The following SLC8A1 variants were observed in gnomAD, a reference collection of about 807,000 sequenced individuals.
The protein encoded by SLC8A1 is solute carrier family 8 member A1.
A neutral mutation model predicts 68.3 loss-of-function variants in SLC8A1; 18 were observed. The ratio of observed to expected loss-of-function variants is 0.26; its 90% CI spans 0.18 to 0.39. The LOEUF is 0.39. SLC8A1 is among the 10% of genes least tolerant of loss of function. SLC8A1 has a pLI of 1.00. For synonymous variants in SLC8A1, 475 were observed against 415.5 expected (o/e 1.14, Z -1.74); for missense variants, 985 against 1,156.7 (o/e 0.85, Z 2.15).
chr2:40,464,121 C>T (rs1235720935), intron 1 of SLC8A1, among the ~76,000 whole-genome samples: 1 of 152,064 alleles, frequency 6.6e-6, no homozygotes, highest in Non-Finnish European at 1.5e-5. Context: ...TCTTGAACTC[C>T]TGACTTCAGG....
intron 5 of SLC8A1, among the ~76,000 whole-genome samples, chr2:40,161,597 G>T (rs969672565): frequency 1.3e-5 from 2 of 152,086 alleles, no homozygotes; most frequent in East Asian, 1.9e-4. Context: ...ACCTTGTTTT[G>T]TACAATCAGT....
intron 2 of SLC8A1, among the ~76,000 whole-genome samples, chr2:40,184,898 C>CAAAAAAAAAAAAAAAAAAAAAGAAAAAA (rs2050386611): frequency 9.4e-6 from 1 of 106,528 alleles, no homozygotes; most frequent in African/African-American, 3.6e-5. Flanking sequence ...TAACCAAAAA[C>CAAAAAAAAAAAAAAAAAAAAAGAAAAAA]AAAAAAAAAA....
chr2:40,381,477 G>C (rs1389745399), intron 2 of SLC8A1, among the ~76,000 whole-genome samples: 1 of 151,824 alleles, frequency 6.6e-6, no homozygotes, highest in Admixed American at 6.6e-5. Context: ...CATATCTCCA[G>C]AACAGGTTTC....
chr2:40,440,812 A>AG (rs1300867600), intron 1 of SLC8A1, among the ~76,000 whole-genome samples: 29 of 152,344 alleles, frequency 1.9e-4, no homozygotes, highest in Admixed American at 6.5e-4. Flanking sequence ...GCAAGCCAAT[A>AG]GCCAATATCA....
chr2:40,444,298 C>G (rs1042792407), intron 1 of SLC8A1, among the ~76,000 whole-genome samples: 2 of 152,136 alleles, frequency 1.3e-5, no homozygotes, highest in African/African-American at 4.8e-5. Context: ...ATGATCATGC[C>G]ACTGCACCCC....
At chr2:40,263,001 G>C (rs946699153) in intron 2 of SLC8A1, among the ~76,000 whole-genome samples, 1 of 152,206 alleles carries the variant, frequency 6.6e-6, no homozygotes, top group Non-Finnish European at 1.5e-5. Flanking sequence ...AAATATTTTA[G>C]CATTGAAATA....
chr2:40,382,549 C>A (rs11691852), intron 2 of SLC8A1, among the ~76,000 whole-genome samples: 108,101 of 152,062 alleles, frequency 0.71, 39,971 homozygotes, highest in African/African-American at 0.92. Flanking sequence ...ATAAACACTC[C>A]GTAAAGACTA....
At chr2:40,503,167 C>A (rs932432261) in intron 1 of SLC8A1, among the ~76,000 whole-genome samples, 15 of 151,918 alleles carry the variant, frequency 9.9e-5, no homozygotes, top group Non-Finnish European at 2.2e-4. Flanking sequence ...AACAACAAAG[C>A]ACCTTTTGTA....
At chr2:40,149,939 C>T (rs2148365406) in intron 6 of SLC8A1, among the ~76,000 whole-genome samples, 1 of 151,006 alleles carries the variant, frequency 6.6e-6, no homozygotes, top group Non-Finnish European at 1.5e-5. Context: ...TCTACAACTC[C>T]AGAAGAAAAA....
chr2:40,222,056 A>C (rs937522069), intron 2 of SLC8A1, among the ~76,000 whole-genome samples: 6 of 152,212 alleles, frequency 3.9e-5, no homozygotes, highest in African/African-American at 1.4e-4. Context: ...GAGCCTGTGT[A>C]GCCAAGACAA....
chr2:40,231,674 C>T (rs938781259), intron 2 of SLC8A1, among the ~76,000 whole-genome samples: 10 of 152,250 alleles, frequency 6.6e-5, no homozygotes, highest in Middle Eastern at 3.4e-3. Context: ...ATTATATTCT[C>T]TCATCTCTTT....
At chr2:40,273,724 C>G (rs2066337656) in intron 2 of SLC8A1, among the ~76,000 whole-genome samples, 1 of 152,172 alleles carries the variant, frequency 6.6e-6, no homozygotes, top group East Asian at 1.9e-4. Context: ...TACAGTAATT[C>G]TAGGTCAGTC....
intron 7 of SLC8A1, among the ~76,000 whole-genome samples, chr2:40,137,729 G>C (rs944901065): frequency 1.3e-5 from 2 of 152,156 alleles, no homozygotes; most frequent in African/African-American, 4.8e-5. Context: ...TTGGGATTGA[G>C]AGGGAGTCTG....
At chr2:40,200,239 AATATATATAT>A (rs1205217029) in intron 2 of SLC8A1, among the ~76,000 whole-genome samples, 3,951 of 16,418 alleles carry the variant, frequency 0.24, 1,064 homozygotes, top group Middle Eastern at 0.41. Flanking sequence ...TATATATATA[AATATATATAT>A]ATATATATAT....
intron 2 of SLC8A1, among the ~76,000 whole-genome samples, chr2:40,391,830 A>T (rs1037075800): frequency 2.0e-5 from 3 of 152,070 alleles, no homozygotes; most frequent in Non-Finnish European, 2.9e-5. Context: ...CCAAAACCCA[A>T]AGTTCCACAT....
intron 2 of SLC8A1, chr2:40,254,804 C>T (rs1228693137): frequency 6.6e-6 from 1 of 152,172 alleles, no homozygotes; most frequent in African/African-American, 2.4e-5. Context: ...CTCATTACAG[C>T]AATATTAACA....
At chr2:40,223,478 C>A (rs201176751) in intron 2 of SLC8A1, among the ~76,000 whole-genome samples, 1 of 152,140 alleles carries the variant, frequency 6.6e-6, no homozygotes, top group South Asian at 2.1e-4. Context: ...AATGAACTTG[C>A]ACTTTCTGCA....
At chr2:40,343,897 T>A (rs555971229) in intron 2 of SLC8A1, among the ~76,000 whole-genome samples, 18 of 152,288 alleles carry the variant, frequency 1.2e-4, no homozygotes, top group African/African-American at 4.3e-4. Context: ...TATAATAGAA[T>A]TTTTAAGTGA....
chr2:40,361,644 C>T (rs912862273), intron 2 of SLC8A1, among the ~76,000 whole-genome samples: 2 of 151,994 alleles, frequency 1.3e-5, no homozygotes, highest in African/African-American at 4.8e-5. Context: ...TGCCTATAAA[C>T]TAAGAGCAGC....
Sources: gnomAD v4.1 joint callset for allele counts (sites outside exome capture counted in the v4.1 genomes callset) on GRCh38, gnomAD v4.1.1 for gene constraint, MANE v1.5 for transcripts, NCBI Gene and HGNC (gene_info 2026-07-23, HGNC 2026-07-21) for gene names.